The following CACNB4 variants were observed in gnomAD, a reference collection of about 807,000 sequenced individuals.
CACNB4 encodes voltage-dependent L-type calcium channel subunit beta-4.
Under a neutral mutation model 71.2 loss-of-function variants are expected in CACNB4, and 32 were observed. That is an observed-to-expected ratio of 0.45 (90% confidence interval 0.34 to 0.60). The LOEUF (loss-of-function observed/expected upper bound fraction) is 0.60. CACNB4 is among the 20% of genes least tolerant of loss of function. CACNB4 has a pLI of 0.01. For missense variants in CACNB4, 464 were observed against 647.9 expected (o/e 0.72, Z 3.08); for synonymous variants, 231 against 236.9 (o/e 0.97, Z 0.23).
intron 2 of CACNB4, among the ~76,000 whole-genome samples, chr2:152,076,304 G>C (rs1479252733): frequency 7.0e-6 from 1 of 142,828 alleles, no homozygotes; most frequent in African/African-American, 2.6e-5. Context: ...ACCACACCTG[G>C]CTAATTTTTT....
intron 2 of CACNB4, among the ~76,000 whole-genome samples, chr2:152,005,907 TAATATATGCAAAATGCTCAGAACGGTG>T (rs1268080552): frequency 4.6e-5 from 7 of 152,170 alleles, no homozygotes; most frequent in African/African-American, 1.7e-4. Flanking sequence ...CTGAAGGAGA[TAATATATGCAAAATGCTCAGAACGGTG>T]CCTGGCACAT....
chr2:151,949,631 AG>A (rs1313186040), intron 2 of CACNB4, among the ~76,000 whole-genome samples: 8 of 152,180 alleles, frequency 5.3e-5, no homozygotes, highest in African/African-American at 1.9e-4. Context: ...GGTCCTAGCA[AG>A]GGCCATGATG....
chr2:152,029,507 A>AAAAAAAAG (rs1553815872), intron 2 of CACNB4, among the ~76,000 whole-genome samples: 1 of 104,748 alleles, frequency 9.5e-6, no homozygotes, highest in Non-Finnish European at 1.8e-5. Context: ...AAAAAAAAAA[A>AAAAAAAAG]AAAAGAAAAG....
At position 151,886,269 on chromosome 2, in the gene CACNB4, G is replaced by A. The variant is rs551128145; in HGVS notation, c.148-2899C>T. On this transcript the variant is annotated intron_variant, in intron 2 of 13. Transcript: ENST00000539935. The stretch of plus-strand genomic sequence containing the variant: ...GAGACTGTGGTACGTAAGTCAGGAA[G>A]AAGGCACTTGCCTGGTTTTGAAAAC... Among the ~76,000 whole-genome samples, 3 of 151,846 alleles carry A rather than the reference G, an allele frequency of 2.0e-5. No individual in the cohort carries two copies. The South Asian group carries it at 6.2e-4, about 31-fold the overall frequency.
chr2:151,950,171 C>G (rs1039118884), intron 2 of CACNB4, among the ~76,000 whole-genome samples: 4 of 152,074 alleles, frequency 2.6e-5, no homozygotes, highest in African/African-American at 9.7e-5. Flanking sequence ...TTATTTCCAT[C>G]ATCCTAGTGG....
intron 2 of CACNB4, among the ~76,000 whole-genome samples, chr2:152,096,743 T>G (rs1184827423): frequency 1.3e-5 from 2 of 152,222 alleles, no homozygotes; most frequent in Non-Finnish European, 2.9e-5. Flanking sequence ...ATACATCATC[T>G]CAATCAGTTA....
At chr2:152,062,869 T>C (rs1560172332) in intron 2 of CACNB4, among the ~76,000 whole-genome samples, 2 of 152,218 alleles carry the variant, frequency 1.3e-5, no homozygotes, top group African/African-American at 2.4e-5. Context: ...TGAGCAATTT[T>C]AGACAGAAAG....
At chr2:152,091,102 A>G (rs916126585) in intron 2 of CACNB4, among the ~76,000 whole-genome samples, 2 of 152,124 alleles carry the variant, frequency 1.3e-5, no homozygotes, top group Non-Finnish European at 2.9e-5. Context: ...AGACTCAGAC[A>G]TAAGTAAAAA....
In CACNB4 at chr2:152,063,851, C is replaced by T. The variant is rs548960138; in HGVS notation, c.147+34479G>A. On this transcript the variant is annotated intron_variant, in intron 2 of 13. Transcript: ENST00000539935. ...ATGAAAAGCCAGTTTTGCCATTCCTCACAATTTTTCCAGAAAAGTTGAAAA... is the reference window on the plus strand; with the variant it reads ...ATGAAAAGCCAGTTTTGCCATTCCTTACAATTTTTCCAGAAAAGTTGAAAA... 9.2e-5 allele frequency among the ~76,000 whole-genome samples: 14 copies of T among 152,338 alleles called. No homozygotes were observed. The East Asian group carries it at 2.5e-3, about 27-fold the overall frequency.
chr2:152,008,246 T>C (rs546601234), intron 2 of CACNB4, among the ~76,000 whole-genome samples: 1 of 152,088 alleles, frequency 6.6e-6, no homozygotes, highest in Non-Finnish European at 1.5e-5. Flanking sequence ...ATTGTCTTCA[T>C]CTCCATTTTG....
chr2:152,090,556 T>C (rs1290792285), intron 2 of CACNB4, among the ~76,000 whole-genome samples: 2 of 151,676 alleles, frequency 1.3e-5, no homozygotes, highest in African/African-American at 4.8e-5. Context: ...GGCAGGAGAA[T>C]TGCTTGAACC....
intron 2 of CACNB4, among the ~76,000 whole-genome samples, chr2:152,074,839 A>C (rs1345666426): frequency 6.6e-6 from 1 of 151,614 alleles, no homozygotes; most frequent in African/African-American, 2.4e-5. Flanking sequence ...CATCATCACC[A>C]CCCCTGCCCT....
chr2:151,965,073 T>C (rs903324401), intron 2 of CACNB4, among the ~76,000 whole-genome samples: 2 of 152,200 alleles, frequency 1.3e-5, no homozygotes, highest in Non-Finnish European at 2.9e-5. Context: ...AATAGAACCA[T>C]TGAATCAAGT....
intron 2 of CACNB4, chr2:151,973,340 C>A (rs913207045): frequency 7.7e-6 from 2 of 260,654 alleles, no homozygotes. Flanking sequence ...AACATAGGCA[C>A]TTTCTGCATA....
chr2:152,085,750 C>A (rs905887766), intron 2 of CACNB4, among the ~76,000 whole-genome samples: 1 of 151,110 alleles, frequency 6.6e-6, no homozygotes, highest in African/African-American at 2.4e-5. Context: ...TTTTAACATA[C>A]GTGTATGTTG....
At chr2:151,851,506 G>A (rs889033139) in intron 12 of CACNB4, 4 of 152,206 alleles carry the variant, frequency 2.6e-5, no homozygotes, top group Non-Finnish European at 5.9e-5. Context: ...CTGGGTACAA[G>A]TCCTAAGGTA....
intron 2 of CACNB4, among the ~76,000 whole-genome samples, chr2:152,038,542 T>C (rs1009629757): frequency 1.3e-5 from 2 of 152,132 alleles, no homozygotes; most frequent in African/African-American, 2.4e-5. Context: ...TAGGTGTGCG[T>C]GAGCAGCTGG....
At chr2:152,023,506 C>G (rs1196131212) in intron 2 of CACNB4, among the ~76,000 whole-genome samples, 2 of 152,102 alleles carry the variant, frequency 1.3e-5, no homozygotes, top group Non-Finnish European at 2.9e-5. Context: ...GCGATCTCAG[C>G]TCACTGCAAC....
intron 2 of CACNB4, among the ~76,000 whole-genome samples, chr2:152,007,620 T>C (rs980566341): frequency 6.6e-6 from 1 of 152,236 alleles, no homozygotes; most frequent in Non-Finnish European, 1.5e-5. Context: ...CATCCGTCTG[T>C]GGATGGACAC....
Sources: allele counts gnomAD v4.1 joint callset (sites outside exome capture counted in the v4.1 genomes callset), GRCh38; gene constraint gnomAD v4.1.1; transcripts MANE v1.5; gene names NCBI Gene and HGNC (gene_info 2026-07-23, HGNC 2026-07-21).